The following PRKAG1 variants were observed in gnomAD, a reference collection of about 807,000 sequenced individuals.
PRKAG1 encodes the protein 5'-AMP-activated protein kinase subunit gamma-1.
Under a neutral mutation model 48.2 loss-of-function variants are expected in PRKAG1, and 27 were observed. That is an observed-to-expected ratio of 0.56 (90% confidence interval 0.41 to 0.77). The LOEUF (loss-of-function observed/expected upper bound fraction) is 0.77, where lower values mean the gene tolerates loss of function less well. Among genes scored for constraint, PRKAG1 ranks in the 30% least tolerant of loss-of-function variants. The pLI is 0.00. For missense variants in PRKAG1, 287 were observed against 398.3 expected (o/e 0.72, Z 2.38); for synonymous variants, 130 against 147.7 (o/e 0.88, Z 0.87).
At chr12:49,003,956 C>A (rs201338510) in intron 8 of PRKAG1, 34 bp from the exon 9 acceptor site, 44 of 1,555,940 alleles carry the variant, frequency 2.8e-5, no homozygotes, top group Non-Finnish European at 3.7e-5. Context: ...ACTTTCAAGG[C>A]ACCCAAAGCC....
At chr12:49,004,100 G>A in intron 8 of PRKAG1, 178 bp from the exon 9 acceptor site, 1 of 761,312 alleles carries the variant, frequency 1.3e-6, no homozygotes, top group Non-Finnish European at 2.0e-6. Flanking sequence ...GACCAGCCTG[G>A]GCAACATGGC....
At position 49,012,371 on chromosome 12, in the gene PRKAG1, TTTC is replaced by T; in HGVS notation, c.58+688_58+690del. On this transcript the variant is annotated intron_variant, in intron 2 of 11. Transcript: ENST00000548065. ...GTTCTAAGAGCCTTTTCCTAATTTT[TTTC>T]TTTCTTTTTTTTTTTTTTCTGAGAC... 2.0e-5 allele frequency among the ~76,000 whole-genome samples: 3 copies of T among 150,822 alleles called. No homozygotes were observed. In the East Asian group the frequency reaches 5.8e-4, roughly 29 times the overall value.
chr12:49,018,756 G>C lies in PRKAG1; in HGVS notation c.-16C>G. 1.9e-6 allele frequency: 3 copies of C among 1,612,662 alleles called. No individual in the cohort carries two copies. The highest frequency in any genetic ancestry group is 2.5e-6 in the Non-Finnish European group (3 of 1,179,956). The stretch of plus-strand genomic sequence containing the variant: ...CCGTCTCCATTGCAAGAGGCGCCCG[G>C]CTTGGTTTCCTCGCTTTAGGAAACT... On this transcript the variant is annotated 5_prime_UTR_variant, in exon 1 of 12. Transcript: ENST00000548065.
Position 49,004,577 on chromosome 12 carries a change from A to T in PRKAG1, c.467T>A (p.Ile156Asn), listed in dbSNP as rs368711969. 2 of 1,614,036 alleles carry T rather than the reference A, an allele frequency of 1.2e-6. No individual in the cohort carries two copies. The highest frequency in any genetic ancestry group is 2.7e-5 in the African/African-American group (2 of 74,916). The change falls in exon 8 of 12, where the codon ATT becomes AAT. Residue 156 changes from isoleucine to asparagine, a missense_variant. Ile to Asn is a moderately radical substitution (Grantham distance 149). Around this residue, in one of 2 missense-constraint regions of PRKAG1, gnomAD observed 224 missense variants for 344.3 expected, o/e 0.65. Coordinates refer to ENST00000548065, the MANE Select transcript of PRKAG1 (RefSeq NM_002733.5). ...IRNKIHRLPV[I>N]DPESGNTLYI... ...CAAAGTATTGCCTGATTCTGGGTCA[A>T]TAACTGGCAGCCTGTGGATCTTGTT...
rs1341093477 is a variant in PRKAG1, at chr12:49,005,356, T to C, written c.259A>G (p.Thr87Ala). Residue 87 changes from threonine (T) to alanine (A), a missense_variant, in exon 5 of 12, where the codon ACC becomes GCC. Thr to Ala is a moderately conservative substitution (Grantham distance 58). Transcript: ENST00000548065. The surrounding 1 kb of genome is among the most constrained non-coding windows in gnomAD (Gnocchi z 4.1). Reference protein sequence around the residue: ...SKKQSFVGMLTITDFINILHR... With the variant: ...SKKQSFVGMLAITDFINILHR... Reference sequence around the variant, plus strand: ...AGGATATTGATGAAATCAGTGATGGTCAGCATGCCTAGAGGACAAGACAGA... The same window carrying C: ...AGGATATTGATGAAATCAGTGATGGCCAGCATGCCTAGAGGACAAGACAGA... 2 of 1,614,060 alleles carry C rather than the reference T, an allele frequency of 1.2e-6. No homozygotes were observed. Among genetic ancestry groups the C allele is most frequent in the Non-Finnish European group, 1.7e-6 (2 of 1,180,052 alleles).
intron 1 of PRKAG1, among the ~76,000 whole-genome samples, chr12:49,016,413 T>C (rs1941970982): frequency 6.6e-6 from 1 of 152,238 alleles, no homozygotes; most frequent in Non-Finnish European, 1.5e-5. Context: ...CAGAGACTCC[T>C]CAAATGCTTG....
intron 2 of PRKAG1, 171 bp from the exon 3 acceptor site, chr12:49,006,023 C>A (rs1830044880): frequency 7.2e-6 from 4 of 558,010 alleles, no homozygotes; most frequent in Non-Finnish European, 1.2e-5. Flanking sequence ...CCTGGATAAA[C>A]CTCTTAGAAA....
intron 2 of PRKAG1, among the ~76,000 whole-genome samples, chr12:49,010,266 A>T (rs1480684184): frequency 6.6e-6 from 1 of 152,168 alleles, no homozygotes; most frequent in East Asian, 1.9e-4. Context: ...TTTAAAGCTG[A>T]GTGGAAGCTC....
Position 49,013,087 on chromosome 12 carries a change from T to C in PRKAG1, c.33A>G (p.Pro11=), listed in dbSNP as rs192285735. METVISSDSS[P]AVENEHPQET... The stretch of plus-strand genomic sequence containing the variant: ...CTTGAGGATGCTCATTTTCCACAGC[T>C]GGGGAGCTATCTGAAGAAATGACCT... Residue 11 remains proline, a synonymous_variant, in exon 2 of 12, where the codon CCA becomes CCG. Transcript: ENST00000548065. 1.9e-6 allele frequency: 3 copies of C among 1,613,860 alleles called. No individual in the cohort carries two copies. The highest frequency in any genetic ancestry group is 2.2e-5 in the East Asian group (1 of 44,888).
At chr12:49,014,376 G>A (rs927476857) in intron 1 of PRKAG1, among the ~76,000 whole-genome samples, 2 of 152,154 alleles carry the variant, frequency 1.3e-5, no homozygotes, top group Non-Finnish European at 2.9e-5. Context: ...TGAAACACTA[G>A]GTCCTAAAAG....
chr12:49,002,537 G>A lies in PRKAG1; in HGVS notation c.*362C>T. ...AATTTTGTTGTGCTATTATCTTAGG[G>A]TTGAATCAGGGCCAAGATGGAGGCA... On this transcript the variant is annotated 3_prime_UTR_variant, in exon 12 of 12. Transcript: ENST00000548065. 2.6e-6 allele frequency: 1 copy of A among 377,844 alleles called. No individual in the cohort carries two copies. Among genetic ancestry groups the A allele is most frequent in the South Asian group, 2.2e-5 (1 of 44,916 alleles). The allele number at this position is 377,844 out of a possible 1,614,324, so 23.4% of individuals were successfully genotyped here. A position where few individuals can be genotyped will look rare whatever the true frequency, so the allele number is the denominator to read the frequency against.
Position 49,002,685 on chromosome 12 carries a change from A to G in PRKAG1, c.*214T>C. 4.6e-6 allele frequency: 3 copies of G among 654,646 alleles called. No individual in the cohort carries two copies. Among genetic ancestry groups the G allele is most frequent in the Non-Finnish European group, 8.3e-6 (3 of 359,598 alleles). 40.6% of individuals were successfully genotyped at this position (654,646 alleles called of 1,614,324 possible). A position where few individuals can be genotyped will look rare whatever the true frequency, so the allele number is the denominator to read the frequency against. ...CAGGGGCTAGAACTGGCTAGGCTGA[A>G]AGTTTTTTCAAGTGTATGTGTGAGG... On this transcript the variant is annotated 3_prime_UTR_variant, in exon 12 of 12. Transcript: ENST00000548065.
rs369528206 is a variant in PRKAG1, at chr12:49,013,046, T to C, written c.58+16A>G. On this transcript the variant is annotated intron_variant, in intron 2 of 11. Coordinates refer to ENST00000548065, the MANE Select transcript of PRKAG1 (RefSeq NM_002733.5). ...TATTGTTTTCATGCCCAGTTTCCTTTCTTCAGTAAACTTACCTTGAGGATG... is the reference window on the plus strand; with the variant it reads ...TATTGTTTTCATGCCCAGTTTCCTTCCTTCAGTAAACTTACCTTGAGGATG... The C allele has an allele frequency of 6.2e-7, 1 of 1,604,280 alleles. No homozygotes were observed. The highest frequency in any genetic ancestry group is 1.3e-5 in the African/African-American group (1 of 74,686).
chr12:49,012,735 T>C (rs945384248), intron 2 of PRKAG1: 10 of 273,946 alleles, frequency 3.7e-5, no homozygotes, highest in Non-Finnish European at 6.3e-5. Context: ...GATAAAATCC[T>C]GGTAGCACTG....
chr12:49,007,011 CGTGG>C (rs1019845796), intron 2 of PRKAG1, among the ~76,000 whole-genome samples: 5 of 150,394 alleles, frequency 3.3e-5, no homozygotes, highest in African/African-American at 1.2e-4. Flanking sequence ...ATTGGCTGGG[CGTGG>C]TGGCTCACAC....
chr12:49,005,730 G>A lies in PRKAG1; in HGVS notation c.168+13C>T. 1 of 1,611,448 alleles carries A rather than the reference G, an allele frequency of 6.2e-7. No homozygotes were observed. ...GGCTCCAAAGGGGGAAGGGAAAAGA[G>A]GATTTCACCCACCTGCAGGGACGTA... On this transcript the variant is annotated intron_variant, in intron 3 of 11. Transcript: ENST00000548065. This position sits in a 1 kb window ranked among gnomAD's most constrained non-coding sequence, Gnocchi z 4.1.
In PRKAG1 at chr12:49,002,883, G is replaced by A. The variant is rs755993822; in HGVS notation, c.*16C>T. ...TTGGGCATATCCCCTGGTGCTGCATGACCCCTTCCCCCAGCTCAGGGCTTC... is the reference window on the plus strand; with the variant it reads ...TTGGGCATATCCCCTGGTGCTGCATAACCCCTTCCCCCAGCTCAGGGCTTC... On this transcript the variant is annotated 3_prime_UTR_variant, in exon 12 of 12. Coordinates refer to ENST00000548065, the MANE Select transcript of PRKAG1 (RefSeq NM_002733.5). 1 of 1,606,104 alleles carries A rather than the reference G, an allele frequency of 6.2e-7. No individual in the cohort carries two copies. The highest frequency in any genetic ancestry group is 8.5e-7 in the Non-Finnish European group (1 of 1,173,110).
intron 1 of PRKAG1, chr12:49,017,478 C>A: frequency 3.4e-6 from 1 of 296,900 alleles, no homozygotes; most frequent in Non-Finnish European, 6.6e-6. Flanking sequence ...TCCCAAAGTA[C>A]TGGCATTACA....
chr12:49,006,494 A>C lies in PRKAG1; in HGVS notation c.59-642T>G, dbSNP rs1480518018. On this transcript the variant is annotated intron_variant, in intron 2 of 11. Coordinates refer to ENST00000548065, the MANE Select transcript of PRKAG1 (RefSeq NM_002733.5). ...TCAACCTGGCTCAAAACACCCTGAT[A>C]GTCCATTCTGGGATCACCCTGTAAA... Among the ~76,000 whole-genome samples, 3 of 152,232 alleles carry C rather than the reference A, an allele frequency of 2.0e-5. No individual in the cohort carries two copies. In the East Asian group the frequency reaches 5.8e-4, roughly 29 times the overall value.
Sources: allele counts gnomAD v4.1 joint callset (sites outside exome capture counted in the v4.1 genomes callset), GRCh38; gene constraint gnomAD v4.1.1; regional missense constraint gnomAD v4.1.1; non-coding constraint Gnocchi (gnomAD v3.1); transcripts MANE v1.5; gene names NCBI Gene and HGNC (gene_info 2026-07-23, HGNC 2026-07-21).